The following IL2RA variants were observed in gnomAD, a reference collection of about 807,000 sequenced individuals.
The protein encoded by IL2RA is interleukin-2 receptor subunit alpha.
Under a neutral mutation model 37.8 loss-of-function variants are expected in IL2RA, and 24 were observed. The observed-to-expected ratio is 0.63, with a 90% CI of 0.46 to 0.89. IL2RA has a LOEUF of 0.89. Ranked by LOEUF, IL2RA falls within the 40% of genes least tolerant of loss-of-function variation. IL2RA has a pLI of 0.00. For missense variants in IL2RA, 319 were observed against 348.6 expected (o/e 0.92, Z 0.68); for synonymous variants, 125 against 114.6 (o/e 1.09, Z -0.58).
chr10:6,024,954 C>T (rs1199721610), intron 2 of IL2RA, among the ~76,000 whole-genome samples: 2 of 152,200 alleles, frequency 1.3e-5, no homozygotes, highest in African/African-American at 4.8e-5. Flanking sequence ...GTGTCTAGGT[C>T]AGGTGTGGTG....
chr10:6,050,121 C>G (rs547848024), intron 1 of IL2RA, among the ~76,000 whole-genome samples: 1 of 152,284 alleles, frequency 6.6e-6, no homozygotes, highest in African/African-American at 2.4e-5. Context: ...AAGGGCATCA[C>G]GACAGGTGCT....
chr10:6,032,765 G>A (rs1839620077), intron 1 of IL2RA, among the ~76,000 whole-genome samples: 1 of 151,518 alleles, frequency 6.6e-6, no homozygotes, highest in Admixed American at 6.6e-5. Context: ...ATATATATTT[G>A]TCACAAATAC....
Position 6,021,430 on chromosome 10 carries a change from C to A in IL2RA, c.583+48G>T, listed in dbSNP as rs1291380275. 1 of 1,510,182 alleles carries A rather than the reference C, an allele frequency of 6.6e-7. No individual in the cohort carries two copies. The highest frequency in any genetic ancestry group is 2.3e-5 in the East Asian group (1 of 44,404). The allele number at this position is 1,510,182 out of a possible 1,614,324, so 93.5% of individuals were successfully genotyped here. Reference sequence around the variant, plus strand: ...GGTCAGGGATTCCACTCTGGTCAGCCTGATGGAGCAAAGCAACATTGTGGA... The same window carrying A: ...GGTCAGGGATTCCACTCTGGTCAGCATGATGGAGCAAAGCAACATTGTGGA... On this transcript the variant is annotated intron_variant, in intron 4 of 7. Transcript: ENST00000379959. The surrounding 1 kb of genome is among the most constrained non-coding windows in gnomAD (Gnocchi z 4.9).
intron 1 of IL2RA, among the ~76,000 whole-genome samples, chr10:6,055,186 A>G (rs1029570972): frequency 6.6e-6 from 1 of 152,198 alleles, no homozygotes; most frequent in Non-Finnish European, 1.5e-5. Context: ...CCGTGACAAG[A>G]TCCCTGGATG....
rs529017136 is a variant in IL2RA at position 6,034,822 on chromosome 10, G to A, written c.65-8797C>T. Among the ~76,000 whole-genome samples the A allele has an allele frequency of 4.6e-5, 7 of 152,166 alleles. No individual in the cohort carries two copies. In the East Asian group the frequency reaches 1.3e-3, roughly 29 times the overall value. On this transcript the variant is annotated intron_variant, in intron 1 of 7. Coordinates refer to ENST00000379959, the MANE Select transcript of IL2RA (RefSeq NM_000417.3). ...AATATTTTCCAATTCCTAGCTCTAC[G>A]CACTCCCCCAGCTCACACCAAGGGA...
rs1157792079 is a variant in IL2RA at position 6,054,728 on chromosome 10, G to T, written c.64+7360C>A. On this transcript the variant is annotated intron_variant, in intron 1 of 7. Transcript: ENST00000379959. The surrounding 1 kb of genome is among the most constrained non-coding windows in gnomAD (Gnocchi z 4.5). ...CAGAACCACCATTCAGAGCCAGGAGGTCCCAGGGCCACCTTCTCTGAGAAT... is the reference window on the plus strand; with the variant it reads ...CAGAACCACCATTCAGAGCCAGGAGTTCCCAGGGCCACCTTCTCTGAGAAT... 2.0e-5 allele frequency among the ~76,000 whole-genome samples: 3 copies of T among 152,120 alleles called. No individual in the cohort carries two copies. Among genetic ancestry groups the T allele is most frequent in the Admixed American group, 6.5e-5 (1 of 15,274 alleles).
At chr10:6,016,468 A>T (rs187856673) in intron 7 of IL2RA, among the ~76,000 whole-genome samples, 1 of 152,246 alleles carries the variant, frequency 6.6e-6, no homozygotes, top group Non-Finnish European at 1.5e-5. Context: ...TGTACATTTT[A>T]TGATGGTTAA....
Position 6,046,233 on chromosome 10 carries a change from T to G in IL2RA, c.64+15855A>C, listed in dbSNP as rs1839855404. 6.6e-6 allele frequency among the ~76,000 whole-genome samples: 1 copy of G among 152,154 alleles called. No individual in the cohort carries two copies. The highest frequency in any genetic ancestry group is 1.5e-5 in the Non-Finnish European group (1 of 68,032). ...AGGGATCATGCCTTTTCACAGACAA[T>G]GACAATCCAAATGTGGAAACACAGG... On this transcript the variant is annotated intron_variant, in intron 1 of 7. Transcript: ENST00000379959. This position sits in a 1 kb window ranked among gnomAD's most constrained non-coding sequence, Gnocchi z 4.8.
chr10:6,022,127 G>A lies in IL2RA; in HGVS notation c.368-434C>T, dbSNP rs1038784098. On this transcript the variant is annotated intron_variant, in intron 3 of 7. Transcript: ENST00000379959. This position sits in a 1 kb window ranked among gnomAD's most constrained non-coding sequence, Gnocchi z 4.7. ...GCTCAAGCCTATTTGGGCCAATGGA[G>A]CATGAAGACCACCTTGGATTTCTGC... Among the ~76,000 whole-genome samples, 2 of 152,124 alleles carry A rather than the reference G, an allele frequency of 1.3e-5. No homozygotes were observed. The highest frequency in any genetic ancestry group is 2.9e-5 in the Non-Finnish European group (2 of 68,032).
In IL2RA at chr10:6,062,289, T is replaced by C. The variant is rs2132912333; in HGVS notation, c.-138A>G. On this transcript the variant is annotated 5_prime_UTR_variant, in exon 1 of 8. Coordinates refer to ENST00000379959, the MANE Select transcript of IL2RA (RefSeq NM_000417.3). ...GATCGGTCCGCCTGGGCTGTCACCCTTGTGGGTCCATCCAGTCTCTATCGG... is the reference window on the plus strand; with the variant it reads ...GATCGGTCCGCCTGGGCTGTCACCCCTGTGGGTCCATCCAGTCTCTATCGG... 2 of 710,940 alleles carry C rather than the reference T, an allele frequency of 2.8e-6. No homozygotes were observed. The highest frequency in any genetic ancestry group is 1.6e-5 in the South Asian group (1 of 62,388). The allele number at this position is 710,940 out of a possible 1,614,324, so 44.0% of individuals were successfully genotyped here. A position where few individuals can be genotyped will look rare whatever the true frequency, so the allele number is the denominator to read the frequency against.
chr10:6,031,901 C>T (rs532131418), intron 1 of IL2RA, among the ~76,000 whole-genome samples: 17 of 152,034 alleles, frequency 1.1e-4, no homozygotes, highest in East Asian at 3.8e-4. Flanking sequence ...CTAAGACAAT[C>T]GTAAAGATGT....
intron 5 of IL2RA, among the ~76,000 whole-genome samples, 164 bp downstream of exon 5, chr10:6,019,706 G>T (rs180862534): frequency 6.6e-6 from 1 of 152,198 alleles, no homozygotes; most frequent in Admixed American, 6.5e-5. Context: ...CTTGCTTTGG[G>T]GCCTGCAGGT....
rs1016222605 is a variant in IL2RA at position 6,033,240 on chromosome 10, G to A, written c.65-7215C>T. 6.6e-6 allele frequency among the ~76,000 whole-genome samples: 1 copy of A among 151,774 alleles called. No homozygotes were observed. Among genetic ancestry groups the A allele is most frequent in the Admixed American group, 6.6e-5 (1 of 15,234 alleles). ...AAGGAGGCAGAGGTTGCAGTGAGCT[G>A]AGATCACGCCACTGCCCTCCAGCCT... On this transcript the variant is annotated intron_variant, in intron 1 of 7. Transcript: ENST00000379959. The surrounding 1 kb of genome is among the most constrained non-coding windows in gnomAD (Gnocchi z 4.3).
At chr10:6,043,079 G>A (rs549814773) in intron 1 of IL2RA, among the ~76,000 whole-genome samples, 1 of 152,262 alleles carries the variant, frequency 6.6e-6, no homozygotes, top group Admixed American at 6.5e-5. Context: ...AGCATTGCTT[G>A]TAATAGGGAA....
intron 1 of IL2RA, among the ~76,000 whole-genome samples, chr10:6,027,333 A>G (rs1452461352): frequency 6.6e-6 from 1 of 152,070 alleles, no homozygotes; most frequent in Non-Finnish European, 1.5e-5. Context: ...CTCAAAAAAA[A>G]AAACGAAGAT....
In IL2RA at chr10:6,048,621, G is replaced by A. The variant is rs545272168; in HGVS notation, c.64+13467C>T. 2.6e-4 allele frequency among the ~76,000 whole-genome samples: 40 copies of A among 152,336 alleles called. No homozygotes were observed. The highest frequency in any genetic ancestry group is 9.6e-4 in the African/African-American group (40 of 41,568). ...ATACGAACAGAAGCTGAGGCCCACC[G>A]AGGTTAAAACCCTACCCTCATGGAC... On this transcript the variant is annotated intron_variant, in intron 1 of 7. Transcript: ENST00000379959. The surrounding 1 kb of genome is among the most constrained non-coding windows in gnomAD (Gnocchi z 5.3).
chr10:6,018,639 C>T lies in IL2RA; in HGVS notation c.728-520G>A, dbSNP rs1161899381. ...CTCTGACTGGCTACGTGGCTCCTTC[C>T]TCCCACTCTTGACCCCTGGCAGAGG... On this transcript the variant is annotated intron_variant, in intron 6 of 7. Transcript: ENST00000379959. This position sits in a 1 kb window ranked among gnomAD's most constrained non-coding sequence, Gnocchi z 5.1. 6.6e-6 allele frequency among the ~76,000 whole-genome samples: 1 copy of T among 152,172 alleles called. No individual in the cohort carries two copies. Among genetic ancestry groups the T allele is most frequent in the Admixed American group, 6.5e-5 (1 of 15,282 alleles).
rs74162099 is a variant in IL2RA, at chr10:6,018,122, G to A, written c.728-3C>T. 16 of 1,613,520 alleles carry A rather than the reference G, an allele frequency of 9.9e-6. No individual in the cohort carries two copies. The highest frequency in any genetic ancestry group is 1.2e-5 in the Non-Finnish European group (14 of 1,179,608). Reference sequence around the variant, plus strand: ...CAGCAGGAAAACACAGCCGGCCACTGTCAATAGAGAGAGGGAGTTCAGCAA... The same window carrying A: ...CAGCAGGAAAACACAGCCGGCCACTATCAATAGAGAGAGGGAGTTCAGCAA... On this transcript the variant is annotated splice_polypyrimidine_tract_variant and splice_region_variant and intron_variant, in intron 6 of 7. Transcript: ENST00000379959. This position sits in a 1 kb window ranked among gnomAD's most constrained non-coding sequence, Gnocchi z 5.1.
At chr10:6,038,072 C>T (rs1297543176) in intron 1 of IL2RA, among the ~76,000 whole-genome samples, 12 of 152,192 alleles carry the variant, frequency 7.9e-5, no homozygotes, top group Non-Finnish European at 1.8e-4. Flanking sequence ...GCTCAAAGAT[C>T]ATTTAGGCCA....
Sources: allele counts gnomAD v4.1 joint callset (sites outside exome capture counted in the v4.1 genomes callset), GRCh38; gene constraint gnomAD v4.1.1; non-coding constraint Gnocchi (gnomAD v3.1); transcripts MANE v1.5; gene names NCBI Gene and HGNC (gene_info 2026-07-23, HGNC 2026-07-21).